Variants in B4GALT1 observed in about 807,000 individuals in gnomAD.
The protein encoded by B4GALT1 is beta-1,4-galactosyltransferase 1.
A neutral mutation model predicts 34.9 loss-of-function variants in B4GALT1; 16 were observed. The ratio of observed to expected loss-of-function variants is 0.46; its 90% CI spans 0.31 to 0.70. The LOEUF (loss-of-function observed/expected upper bound fraction) is 0.70. B4GALT1 is among the 30% of genes least tolerant of loss of function. The pLI, the probability that B4GALT1 is intolerant of heterozygous loss-of-function variation, is 0.05. For missense variants in B4GALT1, 445 were observed against 530.5 expected (o/e 0.84, Z 1.58); for synonymous variants, 221 against 218.1 (o/e 1.01, Z -0.12).
In B4GALT1 at chr9:33,116,521, CTTTTT is replaced by C. The variant is rs577170197; in HGVS notation, c.837-413_837-409del. On this transcript the variant is annotated intron_variant, in intron 3 of 5. Transcript: ENST00000379731. ...ACAGTTGTAAGACACCAAACCGGAT[CTTTTT>C]TTTTTTTTTTTTTTGAAGGAGTCTC... Among the ~76,000 whole-genome samples the C allele has an allele frequency of 7.5e-5, 8 of 107,308 alleles. 1 individual carries two copies. Among genetic ancestry groups the C allele is most frequent in the African/African-American group, 1.8e-4 (5 of 27,212 alleles). The allele number at this position is 107,308 out of a possible 152,430, so 70.4% of individuals were successfully genotyped here. A position where few individuals can be genotyped will look rare whatever the true frequency, so the allele number is the denominator to read the frequency against.
At chr9:33,161,265 T>C (rs1376193459) in intron 1 of B4GALT1, among the ~76,000 whole-genome samples, 3 of 152,162 alleles carry the variant, frequency 2.0e-5, no homozygotes, top group East Asian at 3.9e-4. Flanking sequence ...CTCACCCCTC[T>C]GTCTTCTAAG....
upstream of B4GALT1, among the ~76,000 whole-genome samples, chr9:33,169,490 C>T (rs1778619906): frequency 6.6e-6 from 1 of 151,854 alleles, no homozygotes; most frequent in African/African-American, 2.4e-5. Context: ...AGAATGGCCT[C>T]CTGCCCAAAT....
chr9:33,166,305 A>G (rs1327086573), intron 1 of B4GALT1, among the ~76,000 whole-genome samples: 2 of 152,154 alleles, frequency 1.3e-5, no homozygotes, highest in African/African-American at 2.4e-5. Context: ...GAGTGGCTCT[A>G]TGGCAAGACA....
chr9:33,131,339 G>C (rs991410389), intron 2 of B4GALT1, among the ~76,000 whole-genome samples: 17 of 152,340 alleles, frequency 1.1e-4, no homozygotes, highest in African/African-American at 3.6e-4. Context: ...TCTGGCCTCA[G>C]GGGTCTAGGC....
chr9:33,167,081 C>G lies in B4GALT1; in HGVS notation c.89G>C (p.Cys30Ser), dbSNP rs775660172. 6.2e-7 allele frequency: 1 copy of G among 1,604,230 alleles called. No homozygotes were observed. Among genetic ancestry groups the G allele is most frequent in the Non-Finnish European group, 8.5e-7 (1 of 1,179,080 alleles). ...QRACRLLVAV[C>S]ALHLGVTLVY... ...GAGGGTGACGCCAAGGTGCAGAGCG[C>G]AGACGGCCACGAGCAGGCGGCAGGC... Residue 30 changes from cysteine (C) to serine (S), a missense_variant, in exon 1 of 6, where the codon TGC (cysteine) becomes TCC (serine). This residue lies in a region of B4GALT1 where 349 missense variants were observed against 395.5 expected (regional missense o/e 0.88). Transcript: ENST00000379731.
upstream of B4GALT1, among the ~76,000 whole-genome samples, chr9:33,169,293 C>T (rs1010383941): frequency 6.6e-6 from 1 of 152,178 alleles, no homozygotes; most frequent in African/African-American, 2.4e-5. Flanking sequence ...TGTCACTCTA[C>T]CATGCTGGAC....
At chr9:33,166,506 G>A (rs1404076534) in intron 1 of B4GALT1, among the ~76,000 whole-genome samples, 1 of 152,226 alleles carries the variant, frequency 6.6e-6, no homozygotes, top group Non-Finnish European at 1.5e-5. Context: ...CTCTGGTTCT[G>A]GGGCTAGAGG....
At chr9:33,182,696 A>G in the B4GALT1 span, among the ~76,000 whole-genome samples, 13 of 152,196 alleles carry the variant, frequency 8.5e-5, no homozygotes, top group African/African-American at 3.1e-4. Flanking sequence ...CATCCTCCAA[A>G]AGTCTCTGAC....
intron 3 of B4GALT1, among the ~76,000 whole-genome samples, chr9:33,117,041 C>T (rs1822756510): frequency 6.6e-6 from 1 of 152,168 alleles, no homozygotes; most frequent in African/African-American, 2.4e-5. Context: ...CTGAGTGGCT[C>T]AGGAATCTGC....
the B4GALT1 span, among the ~76,000 whole-genome samples, chr9:33,183,059 C>T: frequency 3.9e-5 from 6 of 152,034 alleles, no homozygotes; most frequent in African/African-American, 7.2e-5. Flanking sequence ...GGAGGTTAAC[C>T]GTGGCCTAAA....
chr9:33,148,348 T>TTCC (rs1840458995), intron 1 of B4GALT1, among the ~76,000 whole-genome samples: 1 of 152,212 alleles, frequency 6.6e-6, no homozygotes, highest in Non-Finnish European at 1.5e-5. Context: ...TGGTTAATGC[T>TTCC]GATTATTCAC....
intron 3 of B4GALT1, among the ~76,000 whole-genome samples, chr9:33,118,125 GAAGAA>G (rs1233073108): frequency 6.6e-6 from 1 of 152,212 alleles, no homozygotes. Flanking sequence ...TGTTTCAAGA[GAAGAA>G]GATACACACA....
chr9:33,120,639 G>A, intron 2 of B4GALT1, 33 bp from the exon 3 acceptor site: 1 of 1,609,380 alleles, frequency 6.2e-7, no homozygotes, highest in South Asian at 1.1e-5. Context: ...GATATCAAAT[G>A]CCTTAAAGCC....
intron 2 of B4GALT1, among the ~76,000 whole-genome samples, chr9:33,128,107 C>T (rs1159530212): frequency 6.6e-6 from 1 of 152,194 alleles, no homozygotes; most frequent in East Asian, 1.9e-4. Flanking sequence ...CTCTCTCTCT[C>T]TCTCTCTCTA....
At chr9:33,176,234 G>T in the B4GALT1 span, among the ~76,000 whole-genome samples, 2 of 152,124 alleles carry the variant, frequency 1.3e-5, no homozygotes, top group Admixed American at 6.6e-5. Flanking sequence ...GCTTCACTGG[G>T]TACCCGGTGT....
intron 1 of B4GALT1, among the ~76,000 whole-genome samples, chr9:33,153,154 C>T (rs1180874802): frequency 6.6e-6 from 1 of 152,040 alleles, no homozygotes; most frequent in Non-Finnish European, 1.5e-5. Flanking sequence ...ATGATACTGG[C>T]AAATATATAA....
chr9:33,123,069 G>A (rs1427343355), intron 2 of B4GALT1, among the ~76,000 whole-genome samples: 1 of 152,090 alleles, frequency 6.6e-6, no homozygotes, highest in East Asian at 1.9e-4. Flanking sequence ...CCTCAGGTCA[G>A]GAGTTTGAGA....
In B4GALT1 at chr9:33,166,948, G is replaced by T; in HGVS notation, c.222C>A (p.Ser74=). Residue 74 remains serine, a synonymous_variant, in exon 1 of 6, where the codon TCC becomes TCA. Transcript: ENST00000379731. The part of the protein sequence containing the change: ...SNSAAAIGQS[S]GELRTGGARP... ...GGGCCCCTCCGGTCCGGAGCTCCCCGGAGGACTGCCCGATGGCGGCGGCAC... is the reference window on the plus strand; with the variant it reads ...GGGCCCCTCCGGTCCGGAGCTCCCCTGAGGACTGCCCGATGGCGGCGGCAC... The T allele has an allele frequency of 1.3e-6, 2 of 1,575,702 alleles. No homozygotes were observed. Among genetic ancestry groups the T allele is most frequent in the Non-Finnish European group, 8.6e-7 (1 of 1,167,970 alleles).
intron 2 of B4GALT1, among the ~76,000 whole-genome samples, chr9:33,127,986 G>A (rs2118109378): frequency 6.6e-6 from 1 of 152,292 alleles, no homozygotes; most frequent in East Asian, 1.9e-4. Context: ...GCCTCCCCCT[G>A]ACCAGCAGGG....
Sources: allele counts gnomAD v4.1 joint callset (sites outside exome capture counted in the v4.1 genomes callset), GRCh38; gene constraint gnomAD v4.1.1; regional missense constraint gnomAD v4.1.1; transcripts MANE v1.5; gene names NCBI Gene and HGNC (gene_info 2026-07-23, HGNC 2026-07-21).